The following TTN variants were observed in gnomAD, a reference collection of about 807,000 sequenced individuals.
TTN encodes the protein connectin.
A neutral mutation model predicts 3,223.0 loss-of-function variants in TTN; 1,525 were observed. The ratio of observed to expected loss-of-function variants is 0.47; its 90% CI spans 0.45 to 0.49. TTN has a LOEUF of 0.49. TTN is among the 20% of genes least tolerant of loss of function. The pLI is 0.00. For synonymous variants in TTN, 14,094 were observed against 15,161.0 expected (o/e 0.93, Z 5.17); for missense variants, 40,786 against 43,424.0 (o/e 0.94, Z 5.40).
chr2:178,564,958 T>C lies in TTN; in HGVS notation c.81174A>G (p.Pro27058=). Residue 27058 remains proline, a synonymous_variant, in exon 326 of 363, where the codon CCA becomes CCG. Transcript: ENST00000589042. ...GTACAATAACTGCCTTAGAATCCAG[T>C]GGGGCACTTTTTCCATACCTGTTTT... is the stretch of plus-strand genomic sequence containing the variant. ...FAENRYGKSA[P]LDSKAVIVQY... 6.2e-7 allele frequency: 1 copy of C among 1,612,208 alleles called. No homozygotes were observed. Among genetic ancestry groups the C allele is most frequent in the Non-Finnish European group, 8.5e-7 (1 of 1,179,096 alleles).
At position 178,607,498 on chromosome 2, in the gene TTN, A is replaced by AATT; in HGVS notation, c.53187_53189dup (p.Ile17731dup). On this transcript the variant is annotated inframe_insertion, in exon 277 of 363. Coordinates refer to ENST00000589042, the MANE Select transcript of TTN (RefSeq NM_001267550.2). ...GGTCTTTTCGCAGTGCATCCTTGATAATTAGTTCAGATTTGGTTCCAACGT... is the reference window on the plus strand; with the variant it reads ...GGTCTTTTCGCAGTGCATCCTTGATAATTATTAGTTCAGATTTGGTTCCAACGT... 3 of 1,613,248 alleles carry AATT rather than the reference A, an allele frequency of 1.9e-6. No individual in the cohort carries two copies. Among genetic ancestry groups the AATT allele is most frequent in the Non-Finnish European group, 2.5e-6 (3 of 1,179,396 alleles).
rs147174853 is a variant in TTN, at chr2:178,770,105, C to T, written c.8596G>A (p.Ala2866Thr). ...ISPSDAGEYT[A>T]VVGQLECKAK... ...TTGCATTCCAATTGCCCGACCACAG[C>T]TGTGTATTCCCCAGCATCTGAGGGG... is the stretch of plus-strand genomic sequence containing the variant. Residue 2866 changes from alanine to threonine, a missense_variant, in exon 36 of 363, where the codon GCT (alanine) becomes ACT (threonine). By Grantham distance (58) the Ala-to-Thr change is moderately conservative. Transcript: ENST00000589042. 6 of 1,614,128 alleles carry T rather than the reference C, an allele frequency of 3.7e-6. No homozygotes were observed. In the African/African-American group the frequency reaches 8.0e-5, roughly 22 times the overall value.
At position 178,709,559 on chromosome 2, in the gene TTN, A is replaced by C; in HGVS notation, c.28753+7T>G. The C allele has an allele frequency of 6.2e-7, 1 of 1,600,296 alleles. No homozygotes were observed. The highest frequency in any genetic ancestry group is 2.2e-5 in the East Asian group (1 of 44,526). ...CACAACAGGTTGGGGCTGTGAGGAT[A>C]ACTCACCTTTGATGACGATTGAAGA... On this transcript the variant is annotated splice_region_variant and intron_variant, in intron 99 of 362. Coordinates refer to ENST00000589042, the MANE Select transcript of TTN (RefSeq NM_001267550.2).
chr2:178,529,193 C>A lies in TTN; in HGVS notation c.106558G>T (p.Val35520Phe). 6.6e-7 allele frequency: 1 copy of A among 1,504,712 alleles called. No individual in the cohort carries two copies. The highest frequency in any genetic ancestry group is 1.4e-5 in the South Asian group (1 of 72,952). The allele number at this position is 1,504,712 out of a possible 1,614,324, so 93.2% of individuals were successfully genotyped here. ...KAIKDTEAQK[V>F]STQKTSEITP... is the part of the protein sequence containing the mutation. ...ATTTCAGAAGTCTTTTGTGTAGAGA[C>A]TTTCTGTGCCTCAGTATCTTTTATA... Residue 35520 changes from valine to phenylalanine, a missense_variant, in exon 360 of 363, where the codon GTC becomes TTC. Val to Phe is a conservative substitution (Grantham distance 50). Coordinates refer to ENST00000589042, the MANE Select transcript of TTN (RefSeq NM_001267550.2).
intron 13 of TTN, among the ~76,000 whole-genome samples, chr2:178,787,630 A>G (rs1362593414): frequency 6.6e-6 from 1 of 152,134 alleles, no homozygotes; most frequent in African/African-American, 2.4e-5. Flanking sequence ...AACAATGATA[A>G]AAGAAACTGT....
At chr2:178,759,549 T>A (rs922688340) in intron 43 of TTN, among the ~76,000 whole-genome samples, 2 of 152,216 alleles carry the variant, frequency 1.3e-5, no homozygotes, top group Non-Finnish European at 2.9e-5. Context: ...AGGTTTGATC[T>A]GGGCTTGTAG....
Position 178,740,005 on chromosome 2 carries a change from C to T in TTN, c.13228G>A (p.Glu4410Lys), listed in dbSNP as rs374312091. 2.4e-5 allele frequency: 39 copies of T among 1,613,738 alleles called. No homozygotes were observed. In the Middle Eastern group the frequency reaches 4.9e-4, roughly 20 times the overall value. The change falls in exon 48 of 363, where the codon GAG becomes AAG. Residue 4410 changes from glutamate to lysine, a missense_variant. By Grantham distance (56) the Glu-to-Lys change is moderately conservative. Coordinates refer to ENST00000589042, the MANE Select transcript of TTN (RefSeq NM_001267550.2). Reference protein sequence around the residue: ...CRALQAAVASEQPGLFSEWLR... With the variant: ...CRALQAAVASKQPGLFSEWLR... ...CACTCAGAGAAAAGACCTGGCTGCT[C>T]GCTGGCCACGGCTGCTTGCAAAGCC...
intron 318 of TTN, 45 bp downstream of exon 318, chr2:178,579,894 G>A: frequency 6.2e-7 from 1 of 1,612,166 alleles, no homozygotes; most frequent in Non-Finnish European, 8.5e-7. Flanking sequence ...TATAACAAAG[G>A]AAGGATATAA....
chr2:178,545,326 G>GGAA, intron 344 of TTN, 62 bp downstream of exon 344: 1 of 1,426,966 alleles, frequency 7.0e-7, no homozygotes, highest in East Asian at 2.4e-5. Context: ...TTGTGTGTTG[G>GGAA]AAAATTATCT....
intron 15 of TTN, among the ~76,000 whole-genome samples, chr2:178,784,730 T>C (rs1325028706): frequency 6.6e-6 from 1 of 152,176 alleles, no homozygotes; most frequent in African/African-American, 2.4e-5. Flanking sequence ...TTATTGAAAT[T>C]GTTGGTAAAT....
In TTN at chr2:178,579,387, G is replaced by A. The variant is rs763002536; in HGVS notation, c.67643C>T (p.Pro22548Leu). The A allele has an allele frequency of 2.4e-5, 37 of 1,564,180 alleles. No homozygotes were observed. The highest frequency in any genetic ancestry group is 2.9e-5 in the Non-Finnish European group (34 of 1,162,774). Residue 22548 changes from proline (P) to leucine (L), a missense_variant, in exon 320 of 363, where the codon CCT becomes CTT. Pro to Leu is a moderately conservative substitution (Grantham distance 98). Transcript: ENST00000589042. ...AGGTAGACCCTTTAAGTCAAGATCA[G>A]GAGCCACTGTAAAATAGCAGAGATA... ...TVVARDDVVAPDLDLKGLPDL... is the reference protein window; with the variant it reads ...TVVARDDVVALDLDLKGLPDL...
intron 46 of TTN, among the ~76,000 whole-genome samples, chr2:178,754,874 G>C: frequency 6.6e-6 from 1 of 152,180 alleles, no homozygotes; most frequent in East Asian, 1.9e-4. Context: ...GTGAGTAGGT[G>C]TTGCGGATAC....
rs372747014 is a variant in TTN at position 178,747,210 on chromosome 2, T to G, written c.11312-5289A>C. On this transcript the variant is annotated intron_variant, in intron 47 of 362. Coordinates refer to ENST00000589042, the MANE Select transcript of TTN (RefSeq NM_001267550.2). ...CTCTCTAGAGTCTCTCCTGGAGGTG[T>G]GGAGTATCTCTCTAGTGTCTCCCCT... is the stretch of plus-strand genomic sequence containing the variant. 23 of 1,611,716 alleles carry G rather than the reference T, an allele frequency of 1.4e-5. No individual in the cohort carries two copies. In the African/African-American group the frequency reaches 3.1e-4, roughly 22 times the overall value.
chr2:178,724,528 G>A lies in TTN; in HGVS notation c.20847C>T (p.Val6949=). ...TCATCGGTCCTGCCTTCTCAACAAT[G>A]ACTGCGGGCTCTGAAATAAAACGTG... ...MATLMVLEPA[V]IVEKAGPMTV... The change falls in exon 72 of 363, where the codon GTC becomes GTT. Residue 6949 remains valine, a synonymous_variant. Transcript: ENST00000589042. The A allele has an allele frequency of 6.3e-7, 1 of 1,590,526 alleles. No homozygotes were observed.
At chr2:178,680,385 A>C in intron 138 of TTN, 54 bp from the exon 139 acceptor site, 1 of 1,460,158 alleles carries the variant, frequency 6.8e-7, no homozygotes, top group African/African-American at 1.4e-5. Context: ...CCACCCAGCC[A>C]ATGCTTGTTT....
chr2:178,572,053 A>G lies in TTN; in HGVS notation c.74079T>C (p.Asn24693=). 2.5e-6 allele frequency: 4 copies of G among 1,613,256 alleles called. No homozygotes were observed. The highest frequency in any genetic ancestry group is 3.4e-6 in the Non-Finnish European group (4 of 1,179,576). Residue 24693 remains asparagine, a synonymous_variant, in exon 326 of 363, where the codon AAT becomes AAC. Coordinates refer to ENST00000589042, the MANE Select transcript of TTN (RefSeq NM_001267550.2). ...GTCTAGGATCACTGATGCCCTTTTC[A>G]TTCTGAGCTGAAACACGGAAAGAGT... ...EEYSFRVSAQ[N]EKGISDPRQL...
chr2:178,790,737 G>A lies in TTN; in HGVS notation c.1771C>T (p.Gln591Ter), dbSNP rs747286444. 1 of 1,614,142 alleles carries A rather than the reference G, an allele frequency of 6.2e-7. No individual in the cohort carries two copies. Among genetic ancestry groups the A allele is most frequent in the Middle Eastern group, 1.6e-4 (1 of 6,062 alleles). Reference protein sequence around the residue: ...PGAQEETTTQQDQMHLSYEKI... With the variant: ...PGAQEETTTQ ...TCATAACTTAGGTGCATTTGATCTT[G>A]TTGTGTGGTAGTTTCTTCTTGAGCT... is the stretch of plus-strand genomic sequence containing the variant. The change falls in exon 11 of 363, where the codon CAA (glutamine) becomes TAA (stop). Residue 591 changes from glutamine to a stop codon, truncating the protein, a stop_gained. Coordinates refer to ENST00000589042, the MANE Select transcript of TTN (RefSeq NM_001267550.2). LOFTEE classifies it high-confidence loss of function.
Position 178,605,548 on chromosome 2 carries a change from A to C in TTN, c.53747T>G (p.Leu17916Arg), listed in dbSNP as rs1412322444. ...AACCAGAAAAGATGTGGTTGGGCAG[A>C]GTCGCTTGTTAACTCTTTCAAAGTC... ...KPDFERVNKR[L>R]CPTTSFLVEN... The change falls in exon 279 of 363, where the codon CTC becomes CGC. Residue 17916 changes from leucine to arginine, a missense_variant. Transcript: ENST00000589042. The C allele has an allele frequency of 5.6e-6, 9 of 1,612,352 alleles. No individual in the cohort carries two copies. The highest frequency in any genetic ancestry group is 5.3e-5 in the African/African-American group (4 of 74,800).
At position 178,728,129 on chromosome 2, in the gene TTN, A is replaced by G; in HGVS notation, c.19695T>C (p.Ser6565=). Reference sequence around the variant, plus strand: ...TCTAACCTTTCACAGTTAAGATGCCACTGCATGCATCATCTCCTGCTACAT... The same window carrying G: ...TCTAACCTTTCACAGTTAAGATGCCGCTGCATGCATCATCTCCTGCTACAT... The part of the protein sequence containing the change: ...VSNVAGDDAC[S]GILTVKEPPS... The change falls in exon 67 of 363, where the codon AGT becomes AGC. Residue 6565 remains serine, a synonymous_variant. Transcript: ENST00000589042. The G allele has an allele frequency of 1.3e-6, 2 of 1,590,342 alleles. No individual in the cohort carries two copies. Among genetic ancestry groups the G allele is most frequent in the Non-Finnish European group, 1.7e-6 (2 of 1,167,686 alleles).
Sources: gnomAD v4.1 joint callset for allele counts (sites outside exome capture counted in the v4.1 genomes callset) on GRCh38, gnomAD v4.1.1 for gene constraint, MANE v1.5 for transcripts, NCBI Gene and HGNC (gene_info 2026-07-23, HGNC 2026-07-21) for gene names.